Variants in LTBP1 observed in about 807,000 individuals in gnomAD.
LTBP1 encodes the protein latent transforming growth factor beta binding protein 1.
Under a neutral mutation model 207.6 loss-of-function variants are expected in LTBP1, and 129 were observed. The observed-to-expected ratio is 0.62, with a 90% CI of 0.54 to 0.72. The LOEUF (loss-of-function observed/expected upper bound fraction) is 0.72, where lower values mean the gene tolerates loss of function less well. Ranked by LOEUF, LTBP1 falls within the 30% of genes least tolerant of loss-of-function variation. The pLI, the probability that LTBP1 is intolerant of heterozygous loss-of-function variation, is 0.00. For missense variants in LTBP1, 2,281 were observed against 2,217.2 expected, an observed-to-expected ratio of 1.03 and a Z score of -0.58; for synonymous variants, 963 against 833.7, an observed-to-expected ratio of 1.16 and a Z score of -2.67.
rs1416345046 is a variant in LTBP1, at chr2:33,009,385, T to A, written c.566-11524T>A. 2.0e-5 allele frequency among the ~76,000 whole-genome samples: 3 copies of A among 152,214 alleles called. No homozygotes were observed. In the East Asian group the frequency reaches 5.8e-4, roughly 29 times the overall value. The stretch of plus-strand genomic sequence containing the variant: ...CAGTACCTCAGAATGTGAGCTTCTT[T>A]GGACATAGGGTCCTTGCAGATGTAA... On this transcript the variant is annotated intron_variant, in intron 2 of 33. Coordinates refer to ENST00000404816, the MANE Select transcript of LTBP1 (RefSeq NM_206943.4).
At chr2:33,365,599 T>C in intron 31 of LTBP1, 96 bp downstream of exon 31, 1 of 1,200,530 alleles carries the variant, frequency 8.3e-7, no homozygotes, top group Non-Finnish European at 1.2e-6. Context: ...TATCTTTGCC[T>C]TCACTCCTGA....
At chr2:33,320,797 C>A (rs2094343083) in intron 24 of LTBP1, among the ~76,000 whole-genome samples, 1 of 152,160 alleles carries the variant, frequency 6.6e-6, no homozygotes, top group African/African-American at 2.4e-5. Flanking sequence ...TCAGTCATAA[C>A]AACTGTATGT....
chr2:33,275,234 G>T, intron 17 of LTBP1, 144 bp downstream of exon 17: 1 of 985,502 alleles, frequency 1.0e-6, no homozygotes, highest in Non-Finnish European at 1.5e-6. Flanking sequence ...TAGATCCCAG[G>T]TGATATAAAA....
intron 2 of LTBP1, among the ~76,000 whole-genome samples, chr2:33,018,899 A>G (rs890760412): frequency 1.3e-5 from 2 of 151,908 alleles, no homozygotes; most frequent in African/African-American, 2.4e-5. Flanking sequence ...ATCCTTCCCA[A>G]CTTTCTGAAA....
At chr2:33,392,216 C>G (rs1468329664) in intron 32 of LTBP1, among the ~76,000 whole-genome samples, 8 of 150,048 alleles carry the variant, frequency 5.3e-5, no homozygotes, top group Admixed American at 5.3e-4. Context: ...ACAGAGTCTT[C>G]CTCTCTTGCA....
chr2:33,002,615 A>G (rs956778286), intron 2 of LTBP1, among the ~76,000 whole-genome samples: 4 of 152,168 alleles, frequency 2.6e-5, no homozygotes, highest in African/African-American at 9.7e-5. Flanking sequence ...GGTCCTGGGC[A>G]TGATGCCCTG....
intron 9 of LTBP1, among the ~76,000 whole-genome samples, chr2:33,231,256 A>G (rs1251831913): frequency 6.6e-6 from 1 of 152,236 alleles, no homozygotes; most frequent in Non-Finnish European, 1.5e-5. Context: ...TTCTTTCAGC[A>G]TCGTTTTATT....
intron 20 of LTBP1, among the ~76,000 whole-genome samples, chr2:33,300,036 C>G (rs2093954678): frequency 6.6e-6 from 1 of 152,096 alleles, no homozygotes; most frequent in South Asian, 2.1e-4. Flanking sequence ...CCATAACTGC[C>G]TATGTTTTTG....
intron 24 of LTBP1, among the ~76,000 whole-genome samples, chr2:33,323,060 G>A (rs917791360): frequency 6.6e-6 from 1 of 152,058 alleles, no homozygotes; most frequent in Non-Finnish European, 1.5e-5. Context: ...ATTTATGATA[G>A]GGTTATGTCC....
At chr2:33,336,632 C>T (rs111229676) in intron 24 of LTBP1, among the ~76,000 whole-genome samples, 4,642 of 152,240 alleles carry the variant, frequency 0.03, 80 homozygotes, top group Non-Finnish European at 0.046. Flanking sequence ...AAAAATGACA[C>T]CCCCATTCCC....
intron 2 of LTBP1, among the ~76,000 whole-genome samples, chr2:33,017,857 C>CCGGAT (rs1199982901): frequency 1.3e-5 from 2 of 152,118 alleles, no homozygotes; most frequent in Admixed American, 6.6e-5. Flanking sequence ...ACCTTGTGAT[C>CCGGAT]CGCCCACCTC....
chr2:33,250,487 A>C (rs567634313), intron 10 of LTBP1, among the ~76,000 whole-genome samples: 1 of 152,272 alleles, frequency 6.6e-6, no homozygotes, highest in African/African-American at 2.4e-5. Context: ...TAAGGCAGGG[A>C]AGGAGAGGGA....
chr2:33,206,427 A>G (rs2089882126), intron 7 of LTBP1, among the ~76,000 whole-genome samples: 1 of 152,164 alleles, frequency 6.6e-6, no homozygotes, highest in African/African-American at 2.4e-5. Context: ...TAGAAGATTT[A>G]TCTCAATATG....
intron 31 of LTBP1, among the ~76,000 whole-genome samples, chr2:33,368,781 G>T (rs1403815730): frequency 1.3e-5 from 2 of 152,182 alleles, no homozygotes; most frequent in Non-Finnish European, 2.9e-5. Flanking sequence ...GGAGGTTGAG[G>T]TGGGAGGATG....
At chr2:33,104,214 T>A (rs1402926500) in intron 3 of LTBP1, among the ~76,000 whole-genome samples, 1 of 152,206 alleles carries the variant, frequency 6.6e-6, no homozygotes, top group Non-Finnish European at 1.5e-5. Context: ...GTGTGACTAA[T>A]TCTTTCTTTT....
At chr2:33,121,191 T>C (rs2081094042) in intron 4 of LTBP1, among the ~76,000 whole-genome samples, 1 of 145,316 alleles carries the variant, frequency 6.9e-6, no homozygotes, top group Non-Finnish European at 1.5e-5. Flanking sequence ...TTTAGTTTCT[T>C]ACATTATCCA....
intron 22 of LTBP1, among the ~76,000 whole-genome samples, chr2:33,303,260 C>T (rs1278052494): frequency 2.6e-5 from 4 of 151,686 alleles, no homozygotes; most frequent in African/African-American, 7.3e-5. Flanking sequence ...GGACCAGTTT[C>T]GTGGAAGCCA....
chr2:33,083,797 C>T lies in LTBP1; in HGVS notation c.864-26785C>T, dbSNP rs549312207. Among the ~76,000 whole-genome samples, 9 of 152,250 alleles carry T rather than the reference C, an allele frequency of 5.9e-5. 1 individual carries two copies. The South Asian group carries it at 1.0e-3, about 18-fold the overall frequency. On this transcript the variant is annotated intron_variant, in intron 3 of 33. Coordinates refer to ENST00000404816, the MANE Select transcript of LTBP1 (RefSeq NM_206943.4). Reference sequence around the variant, plus strand: ...ATGGGAAGCTCTAGAGGTCGAGAAACGATCAGTGACTGAAAAAGGAAGTTA... The same window carrying T: ...ATGGGAAGCTCTAGAGGTCGAGAAATGATCAGTGACTGAAAAAGGAAGTTA...
In LTBP1 at chr2:33,201,948, A is replaced by T. The variant is rs2089332780; in HGVS notation, c.1701+13097A>T. On this transcript the variant is annotated intron_variant, in intron 7 of 33. Transcript: ENST00000404816. ...ACAGAATGGACCATTGGAGAACAAGATTATCTAATTGAAGATAGGTCTCTT... is the reference window on the plus strand; with the variant it reads ...ACAGAATGGACCATTGGAGAACAAGTTTATCTAATTGAAGATAGGTCTCTT... Among the ~76,000 whole-genome samples the T allele has an allele frequency of 2.6e-5, 4 of 151,632 alleles. No individual in the cohort carries two copies. The South Asian group carries it at 8.3e-4, about 32-fold the overall frequency.
Sources: gnomAD v4.1 joint callset for allele counts (sites outside exome capture counted in the v4.1 genomes callset) on GRCh38, gnomAD v4.1.1 for gene constraint, MANE v1.5 for transcripts, NCBI Gene and HGNC (gene_info 2026-07-23, HGNC 2026-07-21) for gene names.